FOCAD: variants seen among roughly 807,000 people sequenced by gnomAD.
FOCAD encodes the protein KIAA1797.
A neutral mutation model predicts 225.6 loss-of-function variants in FOCAD; 198 were observed. That is an observed-to-expected ratio of 0.88 (90% CI 0.78 to 0.99). The LOEUF (loss-of-function observed/expected upper bound fraction) is 0.99. Ranked by LOEUF, FOCAD falls within the 50% of genes least tolerant of loss-of-function variation. The pLI is 0.00. For missense variants in FOCAD, 2,713 were observed against 2,123.6 expected (o/e 1.28, Z -5.46); for synonymous variants, 897 against 755.0 (o/e 1.19, Z -3.08).
intron 16 of FOCAD, among the ~76,000 whole-genome samples, chr9:20,864,993 G>C (rs549626026): frequency 6.6e-6 from 1 of 152,204 alleles, no homozygotes; most frequent in South Asian, 2.1e-4. Context: ...ACTTGACCAA[G>C]ACTGTAGTTA....
At chr9:20,677,289 A>T (rs956038543) in intron 2 of FOCAD, among the ~76,000 whole-genome samples, 3 of 152,232 alleles carry the variant, frequency 2.0e-5, no homozygotes, top group Non-Finnish European at 4.4e-5. Context: ...GATAGGAAGA[A>T]AGCTTCTTGA....
chr9:20,823,870 C>T lies in FOCAD; in HGVS notation c.1920+755C>T, dbSNP rs112388772. ...TGACAGCCATATTGAGCGTTATGCT[C>T]GTGTCCTTGGGCTAAGCACTTTTTA... On this transcript the variant is annotated intron_variant, in intron 15 of 43. Transcript: ENST00000338382. Among the ~76,000 whole-genome samples, 564 of 152,178 alleles carry T rather than the reference C, an allele frequency of 3.7e-3. 3 individuals are homozygous for T. The highest frequency in any genetic ancestry group is 6.6e-3 in the Non-Finnish European group (450 of 67,974).
At chr9:20,910,149 G>A (rs1833317809) in intron 22 of FOCAD, among the ~76,000 whole-genome samples, 1 of 152,002 alleles carries the variant, frequency 6.6e-6, no homozygotes, top group African/African-American at 2.4e-5. Flanking sequence ...GTTGACATGG[G>A]GAGAGGTATT....
At chr9:20,808,281 A>T (rs1822678479) in intron 11 of FOCAD, among the ~76,000 whole-genome samples, 1 of 152,042 alleles carries the variant, frequency 6.6e-6, no homozygotes, top group Admixed American at 6.5e-5. Context: ...TTTTTCAGTT[A>T]TTGGTAAGTT....
intron 1 of FOCAD, among the ~76,000 whole-genome samples, chr9:20,713,008 C>T (rs1342874703): frequency 6.6e-6 from 1 of 152,148 alleles, no homozygotes; most frequent in East Asian, 1.9e-4. Flanking sequence ...GCTGGGATTA[C>T]AGGTGTGAGC....
At chr9:20,832,943 T>C (rs1401270785) in intron 15 of FOCAD, among the ~76,000 whole-genome samples, 3 of 152,140 alleles carry the variant, frequency 2.0e-5, no homozygotes, top group Non-Finnish European at 2.9e-5. Context: ...GGCTGTGATA[T>C]CTTTATGAGG....
At chr9:20,734,212 G>A (rs1307846643) in intron 4 of FOCAD, among the ~76,000 whole-genome samples, 1 of 151,970 alleles carries the variant, frequency 6.6e-6, no homozygotes, top group East Asian at 1.9e-4. Flanking sequence ...GTAGGAAATG[G>A]CAGGACTGGA....
At chr9:20,982,252 A>G (rs1226952465) in intron 38 of FOCAD, 105 bp from the exon 39 acceptor site, 3 of 705,434 alleles carry the variant, frequency 4.3e-6, no homozygotes, top group Non-Finnish European at 6.9e-6. Flanking sequence ...TTAAAATCTC[A>G]TCAGCTGCTG....
exon 2 of FOCAD, chr9:20,658,696 T>A (rs544545690): frequency 1.3e-5 from 2 of 157,784 alleles, no homozygotes; most frequent in South Asian, 4.0e-4. Context: ...CCTAGTGAGA[T>A]GAACTCGGTA....
chr9:20,991,414 A>G (rs1259687397), intron 42 of FOCAD, among the ~76,000 whole-genome samples: 2 of 152,218 alleles, frequency 1.3e-5, no homozygotes, highest in Non-Finnish European at 1.5e-5. Flanking sequence ...TAGTTTAGCT[A>G]TGCACAACTC....
At chr9:20,784,886 G>GTATTTCT (rs1819753469) in intron 10 of FOCAD, among the ~76,000 whole-genome samples, 1 of 151,684 alleles carries the variant, frequency 6.6e-6, no homozygotes, top group Non-Finnish European at 1.5e-5. Context: ...GGGCCAACTC[G>GTATTTCT]TATTTCTTAC....
At chr9:20,738,583 T>C (rs1417308292) in intron 4 of FOCAD, among the ~76,000 whole-genome samples, 1 of 152,200 alleles carries the variant, frequency 6.6e-6, no homozygotes, top group Non-Finnish European at 1.5e-5. Flanking sequence ...GAAAGATTCA[T>C]CCATGAGTTA....
At chr9:20,991,263 G>A (rs1447327054) in intron 42 of FOCAD, among the ~76,000 whole-genome samples, 3 of 152,170 alleles carry the variant, frequency 2.0e-5, no homozygotes, top group African/African-American at 7.2e-5. Flanking sequence ...CCTTAATACA[G>A]TTGGTTGAAA....
chr9:20,827,494 G>T (rs757446374), intron 15 of FOCAD, among the ~76,000 whole-genome samples: 2 of 149,276 alleles, frequency 1.3e-5, no homozygotes, highest in African/African-American at 2.5e-5. Flanking sequence ...AAATTGTGGC[G>T]TGTGTGTGTG....
intron 32 of FOCAD, among the ~76,000 whole-genome samples, chr9:20,949,163 A>C (rs572795638): frequency 6.6e-6 from 1 of 152,296 alleles, no homozygotes; most frequent in African/African-American, 2.4e-5. Context: ...TGGCCAACTT[A>C]GGTGCTCTCC....
chr9:20,696,794 C>G (rs1360621872), intron 1 of FOCAD, among the ~76,000 whole-genome samples: 1 of 151,778 alleles, frequency 6.6e-6, no homozygotes, highest in African/African-American at 2.4e-5. Flanking sequence ...GACAGCAAGA[C>G]TCTATCTTAT....
rs181139229 is a variant in FOCAD, at chr9:20,973,239, G to A, written c.4133-3181G>A. Among the ~76,000 whole-genome samples the A allele has an allele frequency of 1.6e-4, 24 of 151,444 alleles. No individual in the cohort carries two copies. In the East Asian group the frequency reaches 4.7e-3, roughly 30 times the overall value. ...TCTTCTTTCAGCATCTGCTGATGTGGCCTCTGCTTCTCTTTGTTCCTGTGC... is the reference window on the plus strand; with the variant it reads ...TCTTCTTTCAGCATCTGCTGATGTGACCTCTGCTTCTCTTTGTTCCTGTGC... On this transcript the variant is annotated intron_variant, in intron 35 of 43. Transcript: ENST00000338382.
chr9:20,721,709 A>G (rs2131550950), intron 4 of FOCAD, among the ~76,000 whole-genome samples: 1 of 152,220 alleles, frequency 6.6e-6, no homozygotes, highest in South Asian at 2.1e-4. Flanking sequence ...CTTAACAACA[A>G]CAACAAAAAT....
At chr9:20,892,798 C>G (rs1463247818) in intron 21 of FOCAD, among the ~76,000 whole-genome samples, 1 of 152,030 alleles carries the variant, frequency 6.6e-6, no homozygotes, top group Non-Finnish European at 1.5e-5. Context: ...TATCAAACAG[C>G]ATTGCATGAT....
Sources: gnomAD v4.1 joint callset for allele counts (sites outside exome capture counted in the v4.1 genomes callset) on GRCh38, gnomAD v4.1.1 for gene constraint, MANE v1.5 for transcripts, NCBI Gene and HGNC (gene_info 2026-07-23, HGNC 2026-07-21) for gene names.